Variants in COL8A1 observed in about 807,000 individuals in gnomAD.
COL8A1 encodes collagen type VIII alpha 1 chain.
COL8A1 carries 21 observed loss-of-function variants against 42.7 expected under a neutral mutation model. The ratio of observed to expected loss-of-function variants is 0.49; its 90% confidence interval spans 0.35 to 0.71. The LOEUF is 0.71. Ranked by LOEUF, COL8A1 falls within the 30% of genes least tolerant of loss-of-function variation. The pLI is 0.01. For missense variants in COL8A1, 788 were observed against 962.4 expected (o/e 0.82, Z 2.40); for synonymous variants, 367 against 369.1 (o/e 0.99, Z 0.06).
intron 1 of COL8A1, among the ~76,000 whole-genome samples, chr3:99,741,618 G>A (rs187737422): frequency 6.6e-6 from 1 of 152,216 alleles, no homozygotes; most frequent in East Asian, 1.9e-4. Flanking sequence ...TAGTACCCTG[G>A]CAGTGATAAA....
intron 1 of COL8A1, among the ~76,000 whole-genome samples, chr3:99,654,664 T>C (rs1300605154): frequency 6.6e-6 from 1 of 152,036 alleles, no homozygotes; most frequent in Admixed American, 6.6e-5. Context: ...GGTGCATGCC[T>C]GTAGTCCCAG....
At chr3:99,718,677 AC>A (rs1290386669) in intron 1 of COL8A1, among the ~76,000 whole-genome samples, 2 of 151,958 alleles carry the variant, frequency 1.3e-5, no homozygotes, top group Non-Finnish European at 2.9e-5. Flanking sequence ...TTAGAAGTTA[AC>A]CTTTTTTCTG....
intron 1 of COL8A1, among the ~76,000 whole-genome samples, chr3:99,686,119 A>G (rs1170957544): frequency 6.6e-6 from 1 of 152,214 alleles, no homozygotes. Flanking sequence ...GCCCTAAATA[A>G]GTCCTAAAAT....
At chr3:99,724,598 A>G (rs138968353) in intron 1 of COL8A1, among the ~76,000 whole-genome samples, 8 of 152,130 alleles carry the variant, frequency 5.3e-5, no homozygotes, top group East Asian at 1.9e-4. Flanking sequence ...TTTCCCACCA[A>G]TTCCCACACA....
chr3:99,748,408 G>A (rs1235143985), intron 2 of COL8A1, among the ~76,000 whole-genome samples: 1 of 152,004 alleles, frequency 6.6e-6, no homozygotes, highest in African/African-American at 2.4e-5. Context: ...AATGTAAAAT[G>A]TCTCATCAAT....
chr3:99,648,912 G>A (rs1327042841), intron 1 of COL8A1, among the ~76,000 whole-genome samples: 1 of 152,080 alleles, frequency 6.6e-6, no homozygotes, highest in Non-Finnish European at 1.5e-5. Context: ...CTGCTGCTTA[G>A]CCTGCAGTGA....
In COL8A1 at chr3:99,797,157, C is replaced by T. The variant is rs1426700501; in HGVS notation, c.*1021C>T. 1.3e-5 allele frequency: 2 copies of T among 152,198 alleles called. No homozygotes were observed. Among genetic ancestry groups the T allele is most frequent in the Non-Finnish European group, 2.9e-5 (2 of 68,040 alleles). The allele number at this position is 152,198 out of a possible 1,614,324, so 9.4% of individuals were successfully genotyped here. A position where few individuals can be genotyped will look rare whatever the true frequency, so the allele number is the denominator to read the frequency against. On this transcript the variant is annotated 3_prime_UTR_variant, in exon 4 of 4. Transcript: ENST00000652472. The stretch of plus-strand genomic sequence containing the variant: ...TCTCCTCCTTTGACTACACACACAA[C>T]CACAGTGTGGTTCTAATCATGGAGA...
intron 2 of COL8A1, among the ~76,000 whole-genome samples, chr3:99,763,645 TC>T (rs1308274146): frequency 1.3e-5 from 2 of 152,112 alleles, no homozygotes; most frequent in Non-Finnish European, 2.9e-5. Context: ...AAACAAACTT[TC>T]CCTAAAGTCA....
chr3:99,759,812 T>G (rs1389594788), intron 2 of COL8A1, among the ~76,000 whole-genome samples: 1 of 152,198 alleles, frequency 6.6e-6, no homozygotes, highest in East Asian at 1.9e-4. Context: ...TTGTATTGCT[T>G]TGTGCCAACA....
chr3:99,672,971 A>G (rs918215904), intron 1 of COL8A1, among the ~76,000 whole-genome samples: 1 of 151,870 alleles, frequency 6.6e-6, no homozygotes, highest in African/African-American at 2.4e-5. Flanking sequence ...TAGACTTTCA[A>G]TTTCTGCAAG....
intron 1 of COL8A1, among the ~76,000 whole-genome samples, chr3:99,667,336 C>T (rs1320171531): frequency 6.6e-6 from 1 of 152,068 alleles, no homozygotes; most frequent in East Asian, 1.9e-4. Context: ...TTTTGCAACA[C>T]TTTTGTGTTG....
At chr3:99,662,883 A>G (rs1256724446) in intron 1 of COL8A1, among the ~76,000 whole-genome samples, 1 of 152,066 alleles carries the variant, frequency 6.6e-6, no homozygotes, top group Non-Finnish European at 1.5e-5. Context: ...CCCTTTTTAT[A>G]AGGACCCCAA....
At chr3:99,732,332 C>T (rs760957116) in intron 1 of COL8A1, among the ~76,000 whole-genome samples, 1 of 152,042 alleles carries the variant, frequency 6.6e-6, no homozygotes, top group Non-Finnish European at 1.5e-5. Flanking sequence ...AAGACATACC[C>T]AAGACTTGGT....
intron 1 of COL8A1, chr3:99,680,343 G>T (rs1412370274): frequency 1.3e-5 from 2 of 152,142 alleles, no homozygotes; most frequent in African/African-American, 4.8e-5. Flanking sequence ...TTTTATGGCT[G>T]CATAGTATTC....
chr3:99,770,082 T>G (rs1437324027), intron 2 of COL8A1, among the ~76,000 whole-genome samples: 1 of 152,208 alleles, frequency 6.6e-6, no homozygotes, highest in Non-Finnish European at 1.5e-5. Flanking sequence ...TGAACAGTTG[T>G]GCAGAAGTAT....
At chr3:99,642,960 T>A (rs1460992940) in intron 1 of COL8A1, among the ~76,000 whole-genome samples, 1 of 152,238 alleles carries the variant, frequency 6.6e-6, no homozygotes, top group African/African-American at 2.4e-5. Context: ...GTACTTATTA[T>A]AACTTCTTGG....
intron 1 of COL8A1, among the ~76,000 whole-genome samples, chr3:99,695,897 G>T (rs537510207): frequency 6.6e-6 from 1 of 152,328 alleles, no homozygotes; most frequent in South Asian, 2.1e-4. Context: ...AAGCTGGGAG[G>T]CTGAGGTGGG....
chr3:99,715,552 T>G (rs765740462), intron 1 of COL8A1, among the ~76,000 whole-genome samples: 1 of 152,056 alleles, frequency 6.6e-6, no homozygotes, highest in African/African-American at 2.4e-5. Context: ...TTTATCCATG[T>G]TGTCCTGAGA....
At chr3:99,753,897 C>T (rs949760579) in intron 2 of COL8A1, among the ~76,000 whole-genome samples, 2 of 152,162 alleles carry the variant, frequency 1.3e-5, no homozygotes, top group Admixed American at 1.3e-4. Flanking sequence ...AATGAAAAGA[C>T]TTGCTTGAGG....
Sources: gnomAD v4.1 joint callset for allele counts (sites outside exome capture counted in the v4.1 genomes callset) on GRCh38, gnomAD v4.1.1 for gene constraint, MANE v1.5 for transcripts, NCBI Gene and HGNC (gene_info 2026-07-23, HGNC 2026-07-21) for gene names.